RINT1: variants seen among roughly 807,000 people sequenced by gnomAD.
The protein encoded by RINT1 is RAD50-interacting protein 1.
RINT1 carries 75 observed loss-of-function variants against 97.7 expected under a neutral mutation model. The ratio of observed to expected loss-of-function variants is 0.77; its 90% confidence interval spans 0.64 to 0.93. The LOEUF (loss-of-function observed/expected upper bound fraction) is 0.93, where lower values mean the gene tolerates loss of function less well. Ranked by LOEUF, RINT1 falls within the 40% of genes least tolerant of loss-of-function variation. The pLI, the probability that RINT1 is intolerant of heterozygous loss-of-function variation, is 0.00. For missense variants in RINT1, 892 were observed against 925.2 expected (o/e 0.96, Z 0.47); for synonymous variants, 303 against 326.3 (o/e 0.93, Z 0.77).
intron 7 of RINT1, among the ~76,000 whole-genome samples, 155 bp from the exon 8 acceptor site, chr7:105,549,900 A>G (rs1790853559): frequency 6.6e-6 from 1 of 152,202 alleles, no homozygotes; most frequent in African/African-American, 2.4e-5. Context: ...GCCTTGCAGG[A>G]GTTTAAAATT....
rs1376227226 is a variant in RINT1, at chr7:105,563,766, G to T, written c.1705G>T (p.Val569Leu). Residue 569 changes from valine (V) to leucine (L), a missense_variant, in exon 12 of 15, where the codon GTG becomes TTG. Physicochemically the swap from Val to Leu is conservative, Grantham distance 32 (BLOSUM62 1). Transcript: ENST00000257700. ...FLQLQQAALE[V>L]FAENNTLSKL... ...ACAACTTCAACAGGCTGCACTGGAGGTGTTTGCAGAGAATAATACTCTGAG... is the reference window on the plus strand; with the variant it reads ...ACAACTTCAACAGGCTGCACTGGAGTTGTTTGCAGAGAATAATACTCTGAG... The T allele has an allele frequency of 1.2e-6, 2 of 1,614,058 alleles. No homozygotes were observed. Among genetic ancestry groups the T allele is most frequent in the Admixed American group, 1.7e-5 (1 of 60,004 alleles).
At chr7:105,549,930 T>C in intron 7 of RINT1, 125 bp from the exon 8 acceptor site, 1 of 610,206 alleles carries the variant, frequency 1.6e-6, no homozygotes, top group Non-Finnish European at 2.8e-6. Flanking sequence ...AATTGTGCTC[T>C]TACATACAGG....
rs1554363883 is a variant in RINT1 at position 105,551,578 on chromosome 7, CA to C, written c.1348del (p.Met450TrpfsTer24). The C allele has an allele frequency of 6.3e-7, 1 of 1,597,436 alleles. No individual in the cohort carries two copies. Among genetic ancestry groups the C allele is most frequent in the Non-Finnish European group, 8.5e-7 (1 of 1,171,916 alleles). On this transcript the variant is annotated frameshift_variant, in exon 10 of 15. Transcript: ENST00000257700. LOFTEE classifies it high-confidence loss of function. ...TTTTGTCTGCTTATCAGTTGCTCTT[CA>C]AAAAATGGACTCAATGCTTTCCTCA... ...WLTVERKFAL[Q>X]KMDSMLSSEA...
chr7:105,566,841 T>C (rs1466501518), intron 14 of RINT1: 1 of 204,506 alleles, frequency 4.9e-6, no homozygotes, highest in African/African-American at 2.3e-5. Context: ...GTTATAGCTA[T>C]ATTTAATATA....
At chr7:105,540,180 A>T (rs2052188512) in intron 3 of RINT1, among the ~76,000 whole-genome samples, 1 of 150,032 alleles carries the variant, frequency 6.7e-6, no homozygotes, top group African/African-American at 2.5e-5. Flanking sequence ...CCGGGTTTCA[A>T]GTGATTCTCC....
At chr7:105,535,645 C>A in intron 2 of RINT1, 1 of 443,662 alleles carries the variant, frequency 2.3e-6, no homozygotes, top group Non-Finnish European at 4.5e-6. Context: ...CTCCATCTCC[C>A]AGGCTGCTCA....
At chr7:105,536,805 TATAAAC>T (rs1237414775) in intron 3 of RINT1, 56 bp downstream of exon 3, 20 of 1,045,796 alleles carry the variant, frequency 1.9e-5, no homozygotes, top group Non-Finnish European at 2.4e-5. Context: ...AACAATATAA[TATAAAC>T]ATAATCTATT....
At chr7:105,565,069 G>C in intron 12 of RINT1, 1 of 418,184 alleles carries the variant, frequency 2.4e-6, no homozygotes. Flanking sequence ...GGGATATTTT[G>C]GATATATCCC....
chr7:105,566,066 G>A (rs575326065), intron 14 of RINT1, among the ~76,000 whole-genome samples: 10 of 151,848 alleles, frequency 6.6e-5, no homozygotes, highest in South Asian at 2.1e-4. Flanking sequence ...TCAGGAGATC[G>A]AGACCATCCT....
In RINT1 at chr7:105,532,877, A is replaced by G. The variant is rs1790089488; in HGVS notation, c.88+8A>G. 6.2e-7 allele frequency: 1 copy of G among 1,613,940 alleles called. No individual in the cohort carries two copies. Among genetic ancestry groups the G allele is most frequent in the East Asian group, 2.2e-5 (1 of 44,888 alleles). ...AGAACCTCGAGGAGAAAAGTAAGCC[A>G]GCTCCAAACACCTTAGCTTTTTCTT... is the stretch of plus-strand genomic sequence containing the variant. On this transcript the variant is annotated splice_region_variant and intron_variant, in intron 2 of 14. Transcript: ENST00000257700.
At position 105,563,942 on chromosome 7, in the gene RINT1, A is replaced by C; in HGVS notation, c.1881A>C (p.Lys627Asn). The C allele has an allele frequency of 6.2e-7, 1 of 1,612,060 alleles. No homozygotes were observed. Among genetic ancestry groups the C allele is most frequent in the Non-Finnish European group, 8.5e-7 (1 of 1,178,154 alleles). The change falls in exon 12 of 15, where the codon AAA becomes AAC. Residue 627 changes from lysine (K) to asparagine (N), a missense_variant. Physicochemically the swap from Lys to Asn is moderately conservative, Grantham distance 94. Coordinates refer to ENST00000257700, the MANE Select transcript of RINT1 (RefSeq NM_021930.6). ...AAGATGCTGCAAAATTGTATAAAAA[A>C]GAAAGGTATGTCCTCTATGTAAGTC... ...EVKDAAKLYKKERWLSLPSQS... is the reference protein window; with the variant it reads ...EVKDAAKLYKNERWLSLPSQS...
chr7:105,559,512 G>C (rs1791335113), intron 11 of RINT1, among the ~76,000 whole-genome samples: 1 of 119,170 alleles, frequency 8.4e-6, no homozygotes, highest in South Asian at 3.0e-4. Context: ...CTGCACTCCA[G>C]CTTGGGTGAG....
chr7:105,560,536 A>G (rs534380032), intron 11 of RINT1, among the ~76,000 whole-genome samples: 1 of 152,310 alleles, frequency 6.6e-6, no homozygotes, highest in Non-Finnish European at 1.5e-5. Context: ...CAGAATTTTA[A>G]TAGTAAATGT....
intron 3 of RINT1, among the ~76,000 whole-genome samples, chr7:105,538,345 T>C (rs1209420797): frequency 6.6e-6 from 1 of 152,176 alleles, no homozygotes; most frequent in African/African-American, 2.4e-5. Context: ...AAATTCTGTG[T>C]GGGTTATTTC....
In RINT1 at chr7:105,565,618, A is replaced by G. The variant is rs766540386; in HGVS notation, c.2156A>G (p.Tyr719Cys). The change falls in exon 14 of 15, where the codon TAT (tyrosine) becomes TGT (cysteine). Residue 719 changes from tyrosine to cysteine, a missense_variant. Transcript: ENST00000257700. ...AATCTTTTCCCTTTGTTTTCTCACTATTGCAAGAGACCAGAAAATTATTTT... is the reference window on the plus strand; with the variant it reads ...AATCTTTTCCCTTTGTTTTCTCACTGTTGCAAGAGACCAGAAAATTATTTT... ...TRNLFPLFSH[Y>C]CKRPENYFKH... 4.3e-6 allele frequency: 7 copies of G among 1,611,480 alleles called. No individual in the cohort carries two copies. In the East Asian group the frequency reaches 6.7e-5, roughly 15 times the overall value.
intron 3 of RINT1, among the ~76,000 whole-genome samples, chr7:105,538,149 C>A (rs74639650): frequency 2.0e-5 from 3 of 151,854 alleles, no homozygotes; most frequent in African/African-American, 4.8e-5. Context: ...CGCGACACCA[C>A]GCCCAGCTAA....
chr7:105,562,291 C>T (rs1791474251), intron 11 of RINT1, among the ~76,000 whole-genome samples: 1 of 152,174 alleles, frequency 6.6e-6, no homozygotes, highest in Non-Finnish European at 1.5e-5. Context: ...CGTTCTTTCA[C>T]CCAGGCTGCA....
Position 105,557,404 on chromosome 7 carries a change from T to A in RINT1, c.1671+2177T>A, listed in dbSNP as rs565876384. On this transcript the variant is annotated intron_variant, in intron 11 of 14. Transcript: ENST00000257700. ...AACACAATTTTCAAGTGTGTCCAGA[T>A]GAGTCACAAAGATGGACAAGATAAA... is the stretch of plus-strand genomic sequence containing the variant. 3.3e-5 allele frequency among the ~76,000 whole-genome samples: 5 copies of A among 152,216 alleles called. No individual in the cohort carries two copies. The South Asian group carries it at 1.0e-3, about 32-fold the overall frequency.
chr7:105,565,996 G>A (rs1026195232), intron 14 of RINT1, among the ~76,000 whole-genome samples: 12 of 152,304 alleles, frequency 7.9e-5, no homozygotes, highest in Middle Eastern at 3.4e-3. Flanking sequence ...AGGGCCGGGC[G>A]TGGTGGCTCA....
Sources: gnomAD v4.1 joint callset for allele counts (sites outside exome capture counted in the v4.1 genomes callset) on GRCh38, gnomAD v4.1.1 for gene constraint, MANE v1.5 for transcripts, NCBI Gene and HGNC (gene_info 2026-07-23, HGNC 2026-07-21) for gene names.